ARSB: variants seen among roughly 807,000 people sequenced by gnomAD.
ARSB encodes the protein arylsulfatase B, also known as N-acetylgalactosamine-4-sulfatase.
In ARSB, 41 loss-of-function variants were observed where a neutral mutation model predicts 50.9. The ratio of observed to expected loss-of-function variants is 0.81; its 90% CI spans 0.63 to 1.04. The LOEUF is 1.04. Ranked by LOEUF, ARSB falls within the 50% of genes least tolerant of loss-of-function variation. The probability of loss-of-function intolerance (pLI) is 0.00; values close to 1 mark genes in which losing one functional copy is unlikely to be tolerated. For synonymous variants in ARSB, 269 were observed against 284.8 expected, an observed-to-expected ratio of 0.94 and a Z score of 0.56; for missense variants, 672 against 693.3, an observed-to-expected ratio of 0.97 and a Z score of 0.35.
chr5:78,913,483 G>A (rs528041960), intron 4 of ARSB, among the ~76,000 whole-genome samples: 65 of 152,254 alleles, frequency 4.3e-4, no homozygotes, highest in African/African-American at 1.5e-3. Flanking sequence ...AGCAGTGTGA[G>A]GTAGACTTTC....
At chr5:78,955,250 G>A (rs774268494) in intron 4 of ARSB, 45 bp downstream of exon 4, 8 of 1,591,736 alleles carry the variant, frequency 5.0e-6, no homozygotes, top group Non-Finnish European at 6.9e-6. Context: ...CAAATACCAT[G>A]TCCTAGGCTT....
chr5:78,879,760 G>A (rs1318051579), intron 5 of ARSB, among the ~76,000 whole-genome samples: 4 of 152,202 alleles, frequency 2.6e-5, no homozygotes, highest in Admixed American at 2.6e-4. Context: ...GCAGGCAGGG[G>A]TGCCAAATGT....
chr5:78,836,366 C>T (rs1432438274), intron 6 of ARSB, among the ~76,000 whole-genome samples: 2 of 152,144 alleles, frequency 1.3e-5, no homozygotes, highest in Non-Finnish European at 2.9e-5. Flanking sequence ...CAATGTCCTT[C>T]GTTATCTGCA....
intron 5 of ARSB, among the ~76,000 whole-genome samples, chr5:78,878,487 A>G (rs960741432): frequency 6.6e-6 from 1 of 152,186 alleles, no homozygotes; most frequent in African/African-American, 2.4e-5. Flanking sequence ...GCCATAAGTC[A>G]GTGAAAAGAG....
chr5:78,820,017 A>G (rs542358241), intron 6 of ARSB, among the ~76,000 whole-genome samples: 1 of 152,356 alleles, frequency 6.6e-6, no homozygotes, highest in Admixed American at 6.5e-5. Flanking sequence ...CTCCACCCTC[A>G]TGGATAGGAT....
intron 1 of ARSB, among the ~76,000 whole-genome samples, chr5:78,978,729 A>C (rs1459118640): frequency 1.3e-5 from 2 of 152,232 alleles, no homozygotes; most frequent in African/African-American, 4.8e-5. Flanking sequence ...ACAAGGGTGC[A>C]AAGGGTGCAA....
Position 78,968,965 on chromosome 5 carries a change from G to A in ARSB, c.499+41C>T, listed in dbSNP as rs1165763369. On this transcript the variant is annotated intron_variant, in intron 2 of 7. Coordinates refer to ENST00000264914, the MANE Select transcript of ARSB (RefSeq NM_000046.5). ...GGGTGTGTTTTATGAGATGGCTGCA[G>A]TTAGTCTAAGTTGTTAAAGAAACAT... is the stretch of plus-strand genomic sequence containing the variant. 3 of 1,604,282 alleles carry A rather than the reference G, an allele frequency of 1.9e-6. No individual in the cohort carries two copies. The African/African-American group carries it at 4.0e-5, about 21-fold the overall frequency.
At chr5:78,866,992 A>G (rs1053090736) in intron 5 of ARSB, among the ~76,000 whole-genome samples, 1 of 152,210 alleles carries the variant, frequency 6.6e-6, no homozygotes, top group Non-Finnish European at 1.5e-5. Flanking sequence ...AGGGCGAGGC[A>G]TTGCCTCACC....
rs191386080 is a variant in ARSB at position 78,918,656 on chromosome 5, C to A, written c.899-32829G>T. ...AACTTTCAAGACCTCTTCTTAATGC[C>A]TGATTTTCTAAAATGTTAGAATAAC... On this transcript the variant is annotated intron_variant, in intron 4 of 7. Coordinates refer to ENST00000264914, the MANE Select transcript of ARSB (RefSeq NM_000046.5). Among the ~76,000 whole-genome samples, 332 of 152,266 alleles carry A rather than the reference C, an allele frequency of 2.2e-3. 1 individual carries two copies. Among genetic ancestry groups the A allele is most frequent in the South Asian group, 3.5e-3 (17 of 4,826 alleles).
At chr5:78,896,502 C>T (rs1296190233) in intron 4 of ARSB, among the ~76,000 whole-genome samples, 4 of 152,162 alleles carry the variant, frequency 2.6e-5, no homozygotes, top group African/African-American at 9.7e-5. Context: ...ATATTCTTTG[C>T]AGATCTAAGT....
intron 6 of ARSB, among the ~76,000 whole-genome samples, chr5:78,800,788 AAGC>A (rs377121087): frequency 2.6e-3 from 401 of 152,326 alleles, no homozygotes; most frequent in African/African-American, 9.2e-3. Context: ...TTTGAAGAGT[AAGC>A]ACTACAGAAC....
chr5:78,934,101 C>T (rs1024177903), intron 4 of ARSB, among the ~76,000 whole-genome samples: 2 of 152,062 alleles, frequency 1.3e-5, no homozygotes, highest in African/African-American at 2.4e-5. Flanking sequence ...TTGAGTTCTC[C>T]CAAAAAACCC....
intron 6 of ARSB, among the ~76,000 whole-genome samples, chr5:78,798,509 C>T (rs1426433293): frequency 6.6e-6 from 1 of 152,074 alleles, no homozygotes; most frequent in Admixed American, 6.5e-5. Flanking sequence ...CCCCCCCGCC[C>T]CCTACATGGC....
intron 6 of ARSB, chr5:78,816,191 A>C (rs1446295181): frequency 2.5e-6 from 4 of 1,612,944 alleles, no homozygotes; most frequent in Non-Finnish European, 3.4e-6. Flanking sequence ...CTGCATTTCT[A>C]GTCCAGGAGA....
At chr5:78,956,061 A>G (rs895080442) in intron 3 of ARSB, among the ~76,000 whole-genome samples, 1 of 152,220 alleles carries the variant, frequency 6.6e-6, no homozygotes, top group South Asian at 2.1e-4. Context: ...ACATCCACCC[A>G]AAAACTTCCA....
At position 78,985,302 on chromosome 5, in the gene ARSB, T is replaced by A; in HGVS notation, c.-54A>T. On this transcript the variant is annotated 5_prime_UTR_variant, in exon 1 of 8. Transcript: ENST00000264914. ...TGGCGCCACCAGCCCCTTGTACCGC[T>A]GATAGAATGAGGAACTGGGCTGCCG... 1 of 1,242,244 alleles carries A rather than the reference T, an allele frequency of 8.0e-7. No homozygotes were observed. The highest frequency in any genetic ancestry group is 1.0e-6 in the Non-Finnish European group (1 of 993,350). The allele number at this position is 1,242,244 out of a possible 1,614,324, so 77.0% of individuals were successfully genotyped here.
chr5:78,787,393 G>A (rs1749122271), intron 6 of ARSB, among the ~76,000 whole-genome samples: 1 of 152,114 alleles, frequency 6.6e-6, no homozygotes, highest in African/African-American at 2.4e-5. Context: ...CTATTAACTT[G>A]ACAGTGTATT....
At chr5:78,811,244 A>G in intron 6 of ARSB, among the ~76,000 whole-genome samples, 1 of 152,178 alleles carries the variant, frequency 6.6e-6, no homozygotes, top group East Asian at 1.9e-4. Context: ...ATGCTCTGGA[A>G]TGTTTGTTGA....
At chr5:78,802,010 T>G (rs1360786373) in intron 6 of ARSB, among the ~76,000 whole-genome samples, 1 of 152,160 alleles carries the variant, frequency 6.6e-6, no homozygotes, top group Non-Finnish European at 1.5e-5. Flanking sequence ...CTCACCCCAC[T>G]GCTCTCACTG....
Sources: gnomAD v4.1 joint callset for allele counts (sites outside exome capture counted in the v4.1 genomes callset) on GRCh38, gnomAD v4.1.1 for gene constraint, MANE v1.5 for transcripts, NCBI Gene and HGNC (gene_info 2026-07-23, HGNC 2026-07-21) for gene names.